The following KBTBD8 variants were observed in gnomAD, a reference collection of about 807,000 sequenced individuals.
KBTBD8 encodes kelch repeat and BTB domain-containing protein 8.
In KBTBD8, 31 loss-of-function variants were observed where a neutral mutation model predicts 53.5. The observed-to-expected ratio is 0.58, with a 90% CI of 0.44 to 0.78. The LOEUF (loss-of-function observed/expected upper bound fraction) is 0.78, where lower values mean the gene tolerates loss of function less well. KBTBD8 is among the 30% of genes least tolerant of loss of function. The pLI is 0.00. For synonymous variants in KBTBD8, 250 were observed against 247.3 expected, an observed-to-expected ratio of 1.01 and a Z score of -0.10; for missense variants, 642 against 735.8, an observed-to-expected ratio of 0.87 and a Z score of 1.48.
At chr3:66,999,531 G>C (rs1222120759) in intron 2 of KBTBD8, among the ~76,000 whole-genome samples, 3 of 152,142 alleles carry the variant, frequency 2.0e-5, no homozygotes, top group Non-Finnish European at 4.4e-5. Context: ...AAAACATTTA[G>C]TTCCCCAGGT....
Position 66,998,971 on chromosome 3 carries a change from C to T in KBTBD8, c.17-10C>T, listed in dbSNP as rs1701990176. On this transcript the variant is annotated splice_polypyrimidine_tract_variant and intron_variant, in intron 1 of 3. Transcript: ENST00000417314. The stretch of plus-strand genomic sequence containing the variant: ...CACTTCTTGTAGTTGTACGATTTTT[C>T]TCCTCCTAGATTTAAGTAAGTCTTC... 1 of 1,576,986 alleles carries T rather than the reference C, an allele frequency of 6.3e-7. No individual in the cohort carries two copies. The highest frequency in any genetic ancestry group is 1.1e-5 in the South Asian group (1 of 87,108).
rs751133106 is a variant in KBTBD8, at chr3:67,003,798, A to C, written c.831A>C (p.Thr277=). 1.3e-5 allele frequency: 21 copies of C among 1,614,106 alleles called. No homozygotes were observed. Among genetic ancestry groups the C allele is most frequent in the Middle Eastern group, 1.6e-4 (1 of 6,084 alleles). The part of the protein sequence containing the change: ...EKGPSNTNGC[T]QRLGMTASEM... ...GACCATCCAACACCAATGGCTGTAC[A>C]CAGAGGCTTGGAATGACTGCTTCTG... Residue 277 remains threonine (T), a synonymous_variant, in exon 3 of 4, where the codon ACA becomes ACC. Transcript: ENST00000417314.
At chr3:67,000,492 C>G (rs1411877986) in intron 2 of KBTBD8, among the ~76,000 whole-genome samples, 2 of 152,102 alleles carry the variant, frequency 1.3e-5, no homozygotes, top group East Asian at 3.9e-4. Context: ...CTTTATAATC[C>G]TATCTCTGCA....
rs1559556468 is a variant in KBTBD8 at position 67,003,453 on chromosome 3, TG to T, written c.488del (p.Gly163ValfsTer29). ...GGGTCTTTATCTTTGCTGATCATTA[TG>T]GTCATCAGGAACTCGGAGATCGATC... ...IGVFIFADHYGHQELGDRSKE... is the reference protein window; with the variant it reads ...IGVFIFADHYXHQELGDRSKE... On this transcript the variant is annotated frameshift_variant, in exon 3 of 4. Coordinates refer to ENST00000417314, the MANE Select transcript of KBTBD8 (RefSeq NM_032505.3). LOFTEE classifies it high-confidence loss of function. The T allele has an allele frequency of 6.2e-7, 1 of 1,614,206 alleles. No individual in the cohort carries two copies. Among genetic ancestry groups the T allele is most frequent in the Non-Finnish European group, 8.5e-7 (1 of 1,180,032 alleles).
Position 66,998,343 on chromosome 3 carries a change from G to C in KBTBD8, c.-13G>C. The C allele has an allele frequency of 7.7e-7, 1 of 1,297,402 alleles. No individual in the cohort carries two copies. The highest frequency in any genetic ancestry group is 9.9e-7 in the Non-Finnish European group (1 of 1,014,780). 80.4% of individuals were successfully genotyped at this position (1,297,402 alleles called of 1,614,324 possible). ...TCCTTTTTAAATAGCTGGAGTCGGGGCCCCATCGAGAAATGGCCGCGTCGG... is the reference window on the plus strand; with the variant it reads ...TCCTTTTTAAATAGCTGGAGTCGGGCCCCCATCGAGAAATGGCCGCGTCGG... On this transcript the variant is annotated 5_prime_UTR_variant, in exon 1 of 4. Coordinates refer to ENST00000417314, the MANE Select transcript of KBTBD8 (RefSeq NM_032505.3).
Position 67,010,948 on chromosome 3 carries a change from G to C in KBTBD8, c.*2563G>C, listed in dbSNP as rs1481188979. ...TCTTTATTTTCCATCTTTGTTTTCT[G>C]TTCTACAAAGTTGATGCTTAAGCAT... is the stretch of plus-strand genomic sequence containing the variant. On this transcript the variant is annotated 3_prime_UTR_variant, in exon 4 of 4. Transcript: ENST00000417314. 6.6e-6 allele frequency: 1 copy of C among 152,510 alleles called. No homozygotes were observed. The highest frequency in any genetic ancestry group is 1.5e-5 in the Non-Finnish European group (1 of 68,000). The allele number at this position is 152,510 out of a possible 1,614,324, so 9.4% of individuals were successfully genotyped here.
In KBTBD8 at chr3:66,999,135, C is replaced by T. The variant is rs764657415; in HGVS notation, c.171C>T (p.His57=). ...QLTDIVVEVD[H]GKTFSCHRNV... The stretch of plus-strand genomic sequence containing the variant: ...CAGACATTGTAGTGGAAGTGGATCA[C>T]GGGAAAACATTTTCCTGTCATAGAA... Residue 57 remains histidine, a synonymous_variant, in exon 2 of 4, where the codon CAC becomes CAT. Transcript: ENST00000417314. The T allele has an allele frequency of 6.2e-6, 10 of 1,614,032 alleles. No individual in the cohort carries two copies. The highest frequency in any genetic ancestry group is 8.5e-6 in the Non-Finnish European group (10 of 1,180,026).
chr3:67,003,270 GGATTTAGTGTT>G lies in KBTBD8; in HGVS notation c.306_316del (p.Asp102GlufsTer23), dbSNP rs1449658469. 1.2e-6 allele frequency: 2 copies of G among 1,613,944 alleles called. No individual in the cohort carries two copies. Among genetic ancestry groups the G allele is most frequent in the African/African-American group, 2.7e-5 (2 of 74,896 alleles). Reference sequence around the variant, plus strand: ...TAGTTGGTGTTGAAGCTGAATCGATGGATTTAGTGTTGAACTATGCCTACACTTCCAGAGTT... The same window carrying G: ...TAGTTGGTGTTGAAGCTGAATCGATGGAACTATGCCTACACTTCCAGAGTT... On this transcript the variant is annotated frameshift_variant, in exon 3 of 4. Coordinates refer to ENST00000417314, the MANE Select transcript of KBTBD8 (RefSeq NM_032505.3). LOFTEE classifies it high-confidence loss of function.
Position 67,007,906 on chromosome 3 carries a change from T to C in KBTBD8, c.1343-16T>C. On this transcript the variant is annotated splice_polypyrimidine_tract_variant and intron_variant, in intron 3 of 3. Coordinates refer to ENST00000417314, the MANE Select transcript of KBTBD8 (RefSeq NM_032505.3). ...TAAAAATTTACATATTCTTGTTTTCTTTTTTTTTTTTTTAGGAGAATTTTT... is the reference window on the plus strand; with the variant it reads ...TAAAAATTTACATATTCTTGTTTTCCTTTTTTTTTTTTTAGGAGAATTTTT... 1.4e-5 allele frequency: 3 copies of C among 216,112 alleles called. No homozygotes were observed. Among genetic ancestry groups the C allele is most frequent in the Non-Finnish European group, 2.4e-5 (3 of 127,300 alleles). 13.4% of individuals were successfully genotyped at this position (216,112 alleles called of 1,614,324 possible).
At chr3:66,999,281 G>A in intron 2 of KBTBD8, 90 bp downstream of exon 2, 2 of 1,005,274 alleles carry the variant, frequency 2.0e-6, no homozygotes, top group Non-Finnish European at 3.1e-6. Context: ...ATTGAGATGC[G>A]ATAATGAAAT....
At chr3:67,005,914 TC>T (rs1451090007) in intron 3 of KBTBD8, among the ~76,000 whole-genome samples, 7 of 152,142 alleles carry the variant, frequency 4.6e-5, no homozygotes, top group Non-Finnish European at 4.4e-5. Context: ...CACCTTGGCC[TC>T]CCACCATTGT....
intron 2 of KBTBD8, among the ~76,000 whole-genome samples, chr3:66,999,761 A>G (rs767965885): frequency 6.6e-6 from 1 of 152,232 alleles, no homozygotes; most frequent in Non-Finnish European, 1.5e-5. Flanking sequence ...AAAACAAATT[A>G]CCACTCAATA....
rs763258891 is a variant in KBTBD8, at chr3:67,003,224, G to A, written c.257G>A (p.Ser86Asn). Residue 86 changes from serine (S) to asparagine (N), a missense_variant, in exon 3 of 4, where the codon AGT (serine) becomes AAT (asparagine). Coordinates refer to ENST00000417314, the MANE Select transcript of KBTBD8 (RefSeq NM_032505.3). ...RSMFTSGLTE[S>N]TQKEVRIVGV... ...ATGTTCACTAGCGGCCTTACAGAAA[G>A]TACTCAAAAAGAAGTTCGAATAGTT... 1 of 1,613,638 alleles carries A rather than the reference G, an allele frequency of 6.2e-7. No individual in the cohort carries two copies. The highest frequency in any genetic ancestry group is 8.5e-7 in the Non-Finnish European group (1 of 1,179,524).
rs753682693 is a variant in KBTBD8 at position 67,003,678 on chromosome 3, T to G, written c.711T>G (p.Ala237=). The part of the protein sequence containing the change: ...EREVHLPEIF[A]KCIRFPLMED... Reference sequence around the variant, plus strand: ...AAGTGCACCTTCCAGAAATTTTTGCTAAATGCATACGTTTTCCTCTGATGG... The same window carrying G: ...AAGTGCACCTTCCAGAAATTTTTGCGAAATGCATACGTTTTCCTCTGATGG... Residue 237 remains alanine, a synonymous_variant, in exon 3 of 4, where the codon GCT becomes GCG. Coordinates refer to ENST00000417314, the MANE Select transcript of KBTBD8 (RefSeq NM_032505.3). 63 of 1,614,056 alleles carry G rather than the reference T, an allele frequency of 3.9e-5. No homozygotes were observed. Among genetic ancestry groups the G allele is most frequent in the Non-Finnish European group, 5.3e-5 (62 of 1,180,038 alleles).
At chr3:66,999,740 A>G (rs1386818884) in intron 2 of KBTBD8, among the ~76,000 whole-genome samples, 4 of 152,222 alleles carry the variant, frequency 2.6e-5, no homozygotes, top group African/African-American at 9.6e-5. Context: ...AACATGTAGC[A>G]TGTTCCTTCA....
chr3:66,999,178 A>G lies in KBTBD8; in HGVS notation c.214A>G (p.Ser72Gly), dbSNP rs1307552974. The change falls in exon 2 of 4, where the codon AGC becomes GGC. Residue 72 changes from serine to glycine, a missense_variant. Transcript: ENST00000417314. ...SCHRNVLAAI[S>G]PYFRSMFTSG... ...TCATAGAAACGTTCTTGCTGCAATC[A>G]GCCCTTACTTCAGGTATGATGATGG... 1.9e-6 allele frequency: 3 copies of G among 1,614,118 alleles called. No homozygotes were observed. The South Asian group carries it at 3.3e-5, about 18-fold the overall frequency.
intron 3 of KBTBD8, among the ~76,000 whole-genome samples, chr3:67,005,554 T>G (rs976650737): frequency 1.3e-5 from 2 of 152,232 alleles, no homozygotes; most frequent in Non-Finnish European, 2.9e-5. Context: ...TATCACTTAA[T>G]GATGCATTTC....
chr3:66,999,211 T>C lies in KBTBD8; in HGVS notation c.227+20T>C. 1 of 1,595,788 alleles carries C rather than the reference T, an allele frequency of 6.3e-7. No homozygotes were observed. On this transcript the variant is annotated intron_variant, in intron 2 of 3. Transcript: ENST00000417314. Reference sequence around the variant, plus strand: ...CTTCAGGTATGATGATGGTAGGAACTTCTGTTGGTATCTGCACCAAGCTCC... The same window carrying C: ...CTTCAGGTATGATGATGGTAGGAACCTCTGTTGGTATCTGCACCAAGCTCC...
chr3:66,998,953 T>C lies in KBTBD8; in HGVS notation c.17-28T>C, dbSNP rs370928160. 240 of 1,534,146 alleles carry C rather than the reference T, an allele frequency of 1.6e-4. No homozygotes were observed. In the African/African-American group the frequency reaches 2.9e-3, roughly 19 times the overall value. On this transcript the variant is annotated intron_variant, in intron 1 of 3. Transcript: ENST00000417314. ...ATGCCGTAACTGGCTCGGCACTTCT[T>C]GTAGTTGTACGATTTTTCTCCTCCT...
Sources: allele counts gnomAD v4.1 joint callset (sites outside exome capture counted in the v4.1 genomes callset), GRCh38; gene constraint gnomAD v4.1.1; transcripts MANE v1.5; gene names NCBI Gene and HGNC (gene_info 2026-07-23, HGNC 2026-07-21).